SLCO1B1: variants seen among roughly 807,000 people sequenced by gnomAD.
SLCO1B1 encodes the protein OATP-2.
SLCO1B1 carries 81 observed loss-of-function variants against 70.1 expected under a neutral mutation model. The ratio of observed to expected loss-of-function variants is 1.16; its 90% CI spans 0.97 to 1.39. The LOEUF is 1.39. SLCO1B1 is among the 40% of genes most tolerant of loss of function. The pLI is 0.00. For synonymous variants in SLCO1B1, 283 were observed against 271.5 expected (o/e 1.04, Z -0.42); for missense variants, 895 against 799.6 (o/e 1.12, Z -1.44).
chr12:21,156,218 A>G (rs1381271910), intron 2 of SLCO1B1, among the ~76,000 whole-genome samples: 1 of 152,142 alleles, frequency 6.6e-6, no homozygotes, highest in East Asian at 1.9e-4. Flanking sequence ...GTAAAGAACA[A>G]CATTAGGTAA....
intron 2 of SLCO1B1, among the ~76,000 whole-genome samples, chr12:21,149,993 C>A (rs1423334332): frequency 6.6e-6 from 1 of 152,078 alleles, no homozygotes; most frequent in African/African-American, 2.4e-5. Context: ...GAAGTCAACC[C>A]GGGATGCTCG....
chr12:21,224,802 C>CAACT lies in SLCO1B1; in HGVS notation c.1828_1829insAACT (p.Arg610GlnfsTer6). On this transcript the variant is annotated frameshift_variant, in exon 14 of 15. Coordinates refer to ENST00000256958, the MANE Select transcript of SLCO1B1 (RefSeq NM_006446.5). LOFTEE classifies it low-confidence loss of function (END_TRUNC). ...GTGGTCCACCAACAACTGTGGCACA[C>CAACT]GTGGGTCATGTAGGACATATAATTC... 2 of 1,608,820 alleles carry CAACT rather than the reference C, an allele frequency of 1.2e-6. No homozygotes were observed. Among genetic ancestry groups the CAACT allele is most frequent in the Non-Finnish European group, 1.7e-6 (2 of 1,176,426 alleles).
At chr12:21,136,489 T>C (rs1940223601) in intron 1 of SLCO1B1, among the ~76,000 whole-genome samples, 1 of 151,550 alleles carries the variant, frequency 6.6e-6, no homozygotes, top group Admixed American at 6.5e-5. Flanking sequence ...AGATTTGGTC[T>C]TTTCACATAG....
At chr12:21,168,622 A>C (rs1228963085) in intron 2 of SLCO1B1, among the ~76,000 whole-genome samples, 1 of 152,070 alleles carries the variant, frequency 6.6e-6, no homozygotes, top group East Asian at 1.9e-4. Flanking sequence ...TTTAATTTGC[A>C]TTTCCCTGAT....
rs112822771 is a variant in SLCO1B1 at position 21,148,451 on chromosome 12, T to G, written c.84+6793T>G. Among the ~76,000 whole-genome samples, 14 of 152,282 alleles carry G rather than the reference T, an allele frequency of 9.2e-5. 1 individual carries two copies. The highest frequency in any genetic ancestry group is 3.3e-4 in the Admixed American group (5 of 15,304). ...TGGCTAGCCAGTTTTCCCAACATCA[T>G]ATATATTAAGAAGGGAATCCTTTTT... On this transcript the variant is annotated intron_variant, in intron 2 of 14. Transcript: ENST00000256958.
chr12:21,215,050 G>C (rs948541979), intron 11 of SLCO1B1, among the ~76,000 whole-genome samples: 1 of 152,212 alleles, frequency 6.6e-6, no homozygotes, highest in South Asian at 2.1e-4. Flanking sequence ...GGGAGCTGTA[G>C]ACCGGAGCTG....
At chr12:21,211,875 G>T (rs1263977819) in intron 11 of SLCO1B1, among the ~76,000 whole-genome samples, 2 of 151,346 alleles carry the variant, frequency 1.3e-5, no homozygotes, top group African/African-American at 4.9e-5. Context: ...TTCTCTGATG[G>T]TAGTTTGTAT....
intron 5 of SLCO1B1, among the ~76,000 whole-genome samples, chr12:21,177,765 A>T (rs2121106455): frequency 6.6e-6 from 1 of 152,240 alleles, no homozygotes; most frequent in Admixed American, 6.5e-5. Context: ...TAAAACAACA[A>T]AAAAGAAATT....
intron 11 of SLCO1B1, among the ~76,000 whole-genome samples, chr12:21,215,617 A>G (rs1252265959): frequency 6.6e-6 from 1 of 152,076 alleles, no homozygotes; most frequent in Non-Finnish European, 1.5e-5. Flanking sequence ...ATATGCATCT[A>G]TATTCATCTA....
chr12:21,216,456 G>T (rs948595193), intron 11 of SLCO1B1, among the ~76,000 whole-genome samples: 1 of 152,074 alleles, frequency 6.6e-6, no homozygotes, highest in Non-Finnish European at 1.5e-5. Context: ...TATATAAACT[G>T]TTCAACTGAT....
intron 14 of SLCO1B1, among the ~76,000 whole-genome samples, chr12:21,234,624 G>C (rs1381510499): frequency 1.3e-5 from 2 of 152,080 alleles, no homozygotes; most frequent in Non-Finnish European, 2.9e-5. Context: ...GGTTAGGTCA[G>C]CTCTCTTTCA....
intron 7 of SLCO1B1, among the ~76,000 whole-genome samples, chr12:21,186,678 GA>G (rs141172582): frequency 4.2e-4 from 63 of 150,188 alleles, no homozygotes; most frequent in African/African-American, 1.1e-3. Flanking sequence ...CAAAAAAAGG[GA>G]AAAAAAAAGG....
At chr12:21,186,394 G>A (rs1364925110) in intron 7 of SLCO1B1, among the ~76,000 whole-genome samples, 1 of 152,060 alleles carries the variant, frequency 6.6e-6, no homozygotes, top group East Asian at 1.9e-4. Flanking sequence ...CACATGAACA[G>A]TTCCTCTCTC....
intron 2 of SLCO1B1, among the ~76,000 whole-genome samples, chr12:21,142,531 A>C (rs1472427746): frequency 6.6e-6 from 1 of 151,976 alleles, no homozygotes; most frequent in Non-Finnish European, 1.5e-5. Context: ...TATACAGCTG[A>C]ATAAAGGCCA....
chr12:21,213,120 GT>G (rs1371521572), intron 11 of SLCO1B1, among the ~76,000 whole-genome samples: 4 of 151,720 alleles, frequency 2.6e-5, no homozygotes, highest in Admixed American at 2.0e-4. Flanking sequence ...ATGTTAGCTG[GT>G]TATTTTGCTC....
At chr12:21,165,731 C>T (rs1940675794) in intron 2 of SLCO1B1, among the ~76,000 whole-genome samples, 1 of 151,862 alleles carries the variant, frequency 6.6e-6, no homozygotes, top group Non-Finnish European at 1.5e-5. Flanking sequence ...GATTTTTTTC[C>T]TCCATGTGAG....
chr12:21,235,899 T>C (rs1038562881), intron 14 of SLCO1B1, among the ~76,000 whole-genome samples: 2 of 152,170 alleles, frequency 1.3e-5, no homozygotes, highest in African/African-American at 2.4e-5. Flanking sequence ...TTGTAATGTA[T>C]CTGCTGGGAA....
At chr12:21,220,749 C>T (rs956935521) in intron 12 of SLCO1B1, among the ~76,000 whole-genome samples, 4 of 150,308 alleles carry the variant, frequency 2.7e-5, no homozygotes, top group Admixed American at 1.3e-4. Flanking sequence ...ACCTGGGAGG[C>T]GGAGGCTGCA....
At chr12:21,143,471 C>T (rs113938801) in intron 2 of SLCO1B1, among the ~76,000 whole-genome samples, 44 of 152,140 alleles carry the variant, frequency 2.9e-4, no homozygotes, top group African/African-American at 1.1e-3. Context: ...TAGTAGCTAA[C>T]ATTTATCAAG....
Sources: allele counts gnomAD v4.1 joint callset (sites outside exome capture counted in the v4.1 genomes callset), GRCh38; gene constraint gnomAD v4.1.1; transcripts MANE v1.5; gene names NCBI Gene and HGNC (gene_info 2026-07-23, HGNC 2026-07-21).